The following NFATC3 variants were observed in gnomAD, a reference collection of about 807,000 sequenced individuals.
NFATC3 encodes nuclear factor of activated T cells 3.
NFATC3 carries 46 observed loss-of-function variants against 98.6 expected under a neutral mutation model. That is an observed-to-expected ratio of 0.47 (90% CI 0.37 to 0.60). NFATC3 has a LOEUF of 0.60. NFATC3 is among the 20% of genes least tolerant of loss of function. NFATC3 has a pLI of 0.00. For synonymous variants in NFATC3, 512 were observed against 472.2 expected (o/e 1.08, Z -1.09); for missense variants, 1,256 against 1,295.5 (o/e 0.97, Z 0.47).
chr16:68,185,367 C>G (rs1035039630), intron 8 of NFATC3, among the ~76,000 whole-genome samples: 4 of 152,102 alleles, frequency 2.6e-5, no homozygotes, highest in African/African-American at 9.7e-5. Flanking sequence ...AAGTAGCACT[C>G]AAATTCTTCA....
At chr16:68,171,003 A>G (rs2039433046) in intron 5 of NFATC3, among the ~76,000 whole-genome samples, 1 of 151,910 alleles carries the variant, frequency 6.6e-6, no homozygotes, top group Non-Finnish European at 1.5e-5. Flanking sequence ...CATCTGTTGA[A>G]CACATTTTTA....
Position 68,126,628 on chromosome 16 carries a change from C to T in NFATC3, c.1401+18C>T, listed in dbSNP as rs532379744. The stretch of plus-strand genomic sequence containing the variant: ...TTGTGAAGGTATGAGACTTTTGGGG[C>T]TTGTTTTGCAGATACCATACACCTA... On this transcript the variant is annotated intron_variant, in intron 3 of 9. Coordinates refer to ENST00000346183, the MANE Select transcript of NFATC3 (RefSeq NM_173165.3). 3 of 1,613,000 alleles carry T rather than the reference C, an allele frequency of 1.9e-6. No homozygotes were observed. Among genetic ancestry groups the T allele is most frequent in the East Asian group, 2.2e-5 (1 of 44,876 alleles).
At chr16:68,103,716 T>C (rs570786593) in intron 1 of NFATC3, among the ~76,000 whole-genome samples, 7 of 152,328 alleles carry the variant, frequency 4.6e-5, no homozygotes, top group African/African-American at 1.7e-4. Context: ...GAGTTAATTT[T>C]TGTATATGGT....
chr16:68,119,069 G>C (rs540211132), intron 1 of NFATC3, among the ~76,000 whole-genome samples: 4 of 152,136 alleles, frequency 2.6e-5, no homozygotes, highest in Admixed American at 6.5e-5. Context: ...GGGTTTCACC[G>C]TGTTAGCCAG....
chr16:68,213,276 G>C (rs1490344552), intron 9 of NFATC3, among the ~76,000 whole-genome samples: 1 of 151,058 alleles, frequency 6.6e-6, no homozygotes, highest in African/African-American at 2.4e-5. Flanking sequence ...TTAGCCGGGC[G>C]TGGTGGCGGG....
intron 9 of NFATC3, among the ~76,000 whole-genome samples, chr16:68,208,527 G>A (rs922594384): frequency 1.3e-5 from 2 of 152,010 alleles, no homozygotes; most frequent in Non-Finnish European, 2.9e-5. Context: ...CCTGGCTAAC[G>A]TGGGCCCACC....
intron 5 of NFATC3, among the ~76,000 whole-genome samples, chr16:68,169,997 A>G (rs576142441): frequency 2.6e-5 from 4 of 152,178 alleles, no homozygotes; most frequent in South Asian, 4.2e-4. Flanking sequence ...GAGAAATTCT[A>G]GGAGCACCAC....
intron 9 of NFATC3, among the ~76,000 whole-genome samples, chr16:68,207,479 T>C (rs2041197665): frequency 6.6e-6 from 1 of 152,162 alleles, no homozygotes; most frequent in African/African-American, 2.4e-5. Context: ...CAACTTTCTT[T>C]TTGAGATGGA....
intron 1 of NFATC3, among the ~76,000 whole-genome samples, chr16:68,111,116 T>C (rs751099226): frequency 1.3e-5 from 2 of 152,160 alleles, no homozygotes; most frequent in East Asian, 3.8e-4. Context: ...CTGAGAAGAA[T>C]GTATATTCTG....
chr16:68,166,716 A>G lies in NFATC3; in HGVS notation c.1602-127A>G, dbSNP rs542141198. The G allele has an allele frequency of 1.1e-4, 79 of 702,854 alleles. No individual in the cohort carries two copies. The East Asian group carries it at 1.6e-3, about 14-fold the overall frequency. The allele number at this position is 702,854 out of a possible 1,614,324, so 43.5% of individuals were successfully genotyped here. On this transcript the variant is annotated intron_variant, in intron 4 of 9. Transcript: ENST00000346183. The stretch of plus-strand genomic sequence containing the variant: ...GTTTAGCAGTGAATAGCAATCATAC[A>G]TATCTTTCTTTTTTGACCTAATTTT...
chr16:68,218,941 A>G (rs2041746682), intron 9 of NFATC3, among the ~76,000 whole-genome samples: 1 of 151,984 alleles, frequency 6.6e-6, no homozygotes, highest in Non-Finnish European at 1.5e-5. Flanking sequence ...TCTTTATTTT[A>G]TAAAAACAAC....
At chr16:68,144,435 GA>G (rs370073775) in intron 3 of NFATC3, among the ~76,000 whole-genome samples, 5,694 of 141,340 alleles carry the variant, frequency 0.04, 119 homozygotes, top group Middle Eastern at 0.15. Flanking sequence ...ATTTATAACA[GA>G]AAAAAAAAAA....
In NFATC3 at chr16:68,225,948, T is replaced by G. The variant is rs559168869; in HGVS notation, c.3107-402T>G. The G allele has an allele frequency of 1.6e-4, 25 of 153,982 alleles. No homozygotes were observed. The South Asian group carries it at 5.0e-3, about 31-fold the overall frequency. The allele number at this position is 153,982 out of a possible 1,614,324, so 9.5% of individuals were successfully genotyped here. ...CTTGTATTAGGATACAGTAGCAAAA[T>G]CACCCCCACATCACAGTGGTTTATT... On this transcript the variant is annotated intron_variant, in intron 9 of 9. Transcript: ENST00000346183.
chr16:68,109,724 G>A (rs2035845895), intron 1 of NFATC3, among the ~76,000 whole-genome samples: 1 of 152,116 alleles, frequency 6.6e-6, no homozygotes, highest in South Asian at 2.1e-4. Context: ...TTGGTTGGTA[G>A]GCTATGTATT....
chr16:68,180,330 A>G (rs530617167), intron 6 of NFATC3, among the ~76,000 whole-genome samples: 7 of 152,246 alleles, frequency 4.6e-5, no homozygotes, highest in African/African-American at 1.4e-4. Context: ...GTTGGATACC[A>G]TAAAGAGACA....
At chr16:68,095,505 C>T (rs1363849363) in intron 1 of NFATC3, among the ~76,000 whole-genome samples, 1 of 151,950 alleles carries the variant, frequency 6.6e-6, no homozygotes, top group Non-Finnish European at 1.5e-5. Context: ...AGATGTGTGT[C>T]ACCGTGCCTG....
rs777667037 is a variant in NFATC3, at chr16:68,183,242, T to C, written c.1974T>C (p.Ala658=). 4 of 1,582,854 alleles carry C rather than the reference T, an allele frequency of 2.5e-6. No individual in the cohort carries two copies. Among genetic ancestry groups the C allele is most frequent in the Non-Finnish European group, 2.6e-6 (3 of 1,169,876 alleles). ...ACAATCTTGCTTTCCATCCTTAGGC[T>C]CACATTGTCCTTGAAGTTCCTCCAT... ...GKIIREKCQG[A]HIVLEVPPYH... is the part of the protein sequence containing the mutation. The change falls in exon 8 of 10, where the codon GCT becomes GCC. Residue 658 remains alanine, a splice_region_variant and synonymous_variant. Transcript: ENST00000346183.
At chr16:68,144,473 A>T (rs762781211) in intron 3 of NFATC3, among the ~76,000 whole-genome samples, 7 of 152,112 alleles carry the variant, frequency 4.6e-5, no homozygotes, top group Non-Finnish European at 8.8e-5. Flanking sequence ...AGGTATACTA[A>T]TAATATTCGT....
intron 3 of NFATC3, among the ~76,000 whole-genome samples, chr16:68,134,380 T>C (rs1408538912): frequency 6.6e-6 from 1 of 152,166 alleles, no homozygotes; most frequent in Admixed American, 6.5e-5. Context: ...CCAGGCCCAG[T>C]GTCTGCCACT....
Sources: gnomAD v4.1 joint callset for allele counts (sites outside exome capture counted in the v4.1 genomes callset) on GRCh38, gnomAD v4.1.1 for gene constraint, MANE v1.5 for transcripts, NCBI Gene and HGNC (gene_info 2026-07-23, HGNC 2026-07-21) for gene names.